Variants in PIGN observed in about 807,000 individuals in gnomAD.
The protein encoded by PIGN is GPI ethanolamine phosphate transferase 1.
Under a neutral mutation model 125.4 loss-of-function variants are expected in PIGN, and 117 were observed. The observed-to-expected ratio is 0.93, with a 90% confidence interval of 0.80 to 1.09. The LOEUF is 1.09. Ranked by LOEUF, PIGN falls within the 50% of genes least tolerant of loss-of-function variation. The pLI is 0.00. For missense variants in PIGN, 1,075 were observed against 1,094.9 expected (o/e 0.98, Z 0.26); for synonymous variants, 392 against 377.8 (o/e 1.04, Z -0.44).
At chr18:62,031,685 A>G (rs1193281909) in intron 23 of PIGN, among the ~76,000 whole-genome samples, 1 of 152,182 alleles carries the variant, frequency 6.6e-6, no homozygotes, top group East Asian at 1.9e-4. Flanking sequence ...AACAGGGCAA[A>G]TGATTTCTTT....
At chr18:62,110,860 C>T (rs948193608) in intron 16 of PIGN, among the ~76,000 whole-genome samples, 9 of 146,686 alleles carry the variant, frequency 6.1e-5, no homozygotes, top group African/African-American at 2.2e-4. Context: ...ATATATAATA[C>T]ATATATATAT....
intron 1 of PIGN, among the ~76,000 whole-genome samples, chr18:62,183,843 T>C (rs969174049): frequency 9.5e-5 from 14 of 146,836 alleles, no homozygotes; most frequent in Admixed American, 4.7e-4. Flanking sequence ...GAAAATACTT[T>C]AAAAAAAAAA....
intron 20 of PIGN, chr18:62,103,569 A>T (rs56346517): frequency 0.17 from 25,741 of 152,190 alleles, 2,937 homozygotes; most frequent in Middle Eastern, 0.28. Context: ...ATGGTGCCCT[A>T]TTGTTGAGCT....
At chr18:62,050,621 A>G (rs1223270228) in intron 30 of PIGN, among the ~76,000 whole-genome samples, 2 of 151,866 alleles carry the variant, frequency 1.3e-5, no homozygotes, top group East Asian at 3.9e-4. Flanking sequence ...GGGGTTTTCT[A>G]GATATACAAT....
chr18:62,163,995 T>C (rs1214058710), intron 1 of PIGN, among the ~76,000 whole-genome samples: 1 of 152,226 alleles, frequency 6.6e-6, no homozygotes, highest in Non-Finnish European at 1.5e-5. Flanking sequence ...ATCCATGTTG[T>C]AGCATATCAG....
chr18:62,048,972 G>A (rs1355852553), intron 30 of PIGN, among the ~76,000 whole-genome samples: 4 of 151,356 alleles, frequency 2.6e-5, no homozygotes, highest in East Asian at 1.9e-4. Context: ...TTGTCCTTGC[G>A]ATAGTTTACT....
At chr18:62,093,128 G>A (rs936551468) in intron 23 of PIGN, among the ~76,000 whole-genome samples, 4 of 152,048 alleles carry the variant, frequency 2.6e-5, no homozygotes, top group Admixed American at 6.5e-5. Context: ...GAATTAAGGT[G>A]CATACTCTGA....
At chr18:62,097,537 C>G (rs1469574759) in intron 22 of PIGN, among the ~76,000 whole-genome samples, 1 of 151,188 alleles carries the variant, frequency 6.6e-6, no homozygotes, top group Non-Finnish European at 1.5e-5. Flanking sequence ...GGATCTAGAA[C>G]TAGAAATACC....
chr18:62,154,217 T>C (rs2036638200), intron 7 of PIGN: 1 of 341,990 alleles, frequency 2.9e-6, no homozygotes, highest in African/African-American at 2.1e-5. Context: ...CTTTCCTACA[T>C]CTCATATGGT....
chr18:62,020,832 G>A (rs996248342), intron 23 of PIGN, among the ~76,000 whole-genome samples: 3 of 151,714 alleles, frequency 2.0e-5, no homozygotes, highest in Non-Finnish European at 2.9e-5. Context: ...GTGGTAGCAG[G>A]CGCCTGTAGT....
chr18:62,036,447 A>C (rs1426039770), downstream of PIGN, among the ~76,000 whole-genome samples: 1 of 152,116 alleles, frequency 6.6e-6, no homozygotes, highest in Non-Finnish European at 1.5e-5. Flanking sequence ...CTGATGGTAA[A>C]AAAGGAGAGT....
At position 62,044,160 on chromosome 18, in the gene PIGN, C is replaced by A. The variant is rs2030495680; in HGVS notation, c.*1696G>T. On this transcript the variant is annotated 3_prime_UTR_variant, in exon 31 of 31. Transcript: ENST00000640252. The stretch of plus-strand genomic sequence containing the variant: ...ACAGACTCACACTGACCTGAAAGGA[C>A]AAAATTAAGAAAAAGATATGCCTCA... The A allele has an allele frequency of 6.6e-6, 1 of 151,152 alleles. No homozygotes were observed. Among genetic ancestry groups the A allele is most frequent in the African/African-American group, 2.4e-5 (1 of 41,062 alleles). The allele number at this position is 151,152 out of a possible 1,614,324, so 9.4% of individuals were successfully genotyped here. A position where few individuals can be genotyped will look rare whatever the true frequency, so the allele number is the denominator to read the frequency against.
At chr18:62,155,053 T>C (rs2036673451) in intron 6 of PIGN, among the ~76,000 whole-genome samples, 1 of 152,182 alleles carries the variant, frequency 6.6e-6, no homozygotes, top group Non-Finnish European at 1.5e-5. Flanking sequence ...TGATGTGTGT[T>C]GTACAAACCT....
In PIGN at chr18:62,135,641, T is replaced by C. The variant is rs796174813; in HGVS notation, c.1172+2602A>G. On this transcript the variant is annotated intron_variant, in intron 14 of 30. Transcript: ENST00000640252. The stretch of plus-strand genomic sequence containing the variant: ...TGTCTTTTTTTTTTTTTTTTTTTTT[T>C]CAGACAGGGTCTCACTCTGTTGCTC... 1.3e-3 allele frequency: 128 copies of C among 99,298 alleles called. 1 individual carries two copies. The highest frequency in any genetic ancestry group is 5.1e-3 in the African/African-American group (122 of 23,902). 6.2% of individuals were successfully genotyped at this position (99,298 alleles called of 1,614,324 possible).
chr18:62,087,805 G>A (rs559674834), intron 25 of PIGN, among the ~76,000 whole-genome samples: 14 of 152,288 alleles, frequency 9.2e-5, no homozygotes, highest in African/African-American at 3.4e-4. Flanking sequence ...GCTAGCAAAA[G>A]TAAAATAGTC....
chr18:62,132,504 G>A (rs981003021), intron 14 of PIGN, among the ~76,000 whole-genome samples: 5 of 151,854 alleles, frequency 3.3e-5, no homozygotes, highest in Non-Finnish European at 5.9e-5. Flanking sequence ...ATTCCACCTG[G>A]TTCTGGTATA....
chr18:62,161,921 C>T (rs935675658), intron 3 of PIGN, among the ~76,000 whole-genome samples: 3 of 151,772 alleles, frequency 2.0e-5, no homozygotes, highest in South Asian at 2.1e-4. Context: ...GGTATTCTGG[C>T]TCTCTTGACT....
chr18:62,078,564 CAT>C (rs1337344146), intron 28 of PIGN, among the ~76,000 whole-genome samples: 2 of 152,216 alleles, frequency 1.3e-5, no homozygotes, highest in African/African-American at 2.4e-5. Flanking sequence ...CTCGTTTATT[CAT>C]ATGTTGCTCA....
rs2147220761 is a variant in PIGN, at chr18:62,143,315, A to G, written c.954T>C (p.Asp318=). ...EWRLENWKRL[D]VNQADIAPLM... is the part of the protein sequence containing the mutation. Reference sequence around the variant, plus strand: ...AAATCGAACTGGATACCTGATTGACATCTAGCCTCTTCCAATTCTCCAATC... The same window carrying G: ...AAATCGAACTGGATACCTGATTGACGTCTAGCCTCTTCCAATTCTCCAATC... The change falls in exon 11 of 31, where the codon GAT becomes GAC. Residue 318 remains aspartate, a synonymous_variant. Transcript: ENST00000640252. 1 of 1,518,942 alleles carries G rather than the reference A, an allele frequency of 6.6e-7. No homozygotes were observed. The highest frequency in any genetic ancestry group is 2.3e-5 in the East Asian group (1 of 43,296). The allele number at this position is 1,518,942 out of a possible 1,614,324, so 94.1% of individuals were successfully genotyped here.
Sources: gnomAD v4.1 joint callset for allele counts (sites outside exome capture counted in the v4.1 genomes callset) on GRCh38, gnomAD v4.1.1 for gene constraint, MANE v1.5 for transcripts, NCBI Gene and HGNC (gene_info 2026-07-23, HGNC 2026-07-21) for gene names.